Variants in SPOCK1 observed in about 807,000 individuals in gnomAD.
SPOCK1 encodes SPARC (osteonectin), cwcv and kazal like domains proteoglycan 1.
In SPOCK1, 23 loss-of-function variants were observed where a neutral mutation model predicts 55.3. That is an observed-to-expected ratio of 0.42 (90% confidence interval 0.30 to 0.59). SPOCK1 has a LOEUF of 0.59. SPOCK1 is among the 20% of genes least tolerant of loss of function. The pLI is 0.22. For missense variants in SPOCK1, 499 were observed against 552.5 expected (o/e 0.90, Z 0.97); for synonymous variants, 226 against 221.0 (o/e 1.02, Z -0.20).
Position 137,278,974 on chromosome 5 carries a change from C to T in SPOCK1, c.187-11919G>A, listed in dbSNP as rs142533388. ...GTCCTACTTCCCCCCAGGGGGAATG[C>T]TATTATCTGGTCCCGCTTATTTAGG... On this transcript the variant is annotated intron_variant, in intron 2 of 10. Coordinates refer to ENST00000394945, the MANE Select transcript of SPOCK1 (RefSeq NM_004598.4). Among the ~76,000 whole-genome samples the T allele has an allele frequency of 2.5e-3, 381 of 152,174 alleles. 5 individuals are homozygous for T. The highest frequency in any genetic ancestry group is 9.0e-3 in the African/African-American group (372 of 41,502).
chr5:137,147,319 T>C (rs184169909), intron 3 of SPOCK1, among the ~76,000 whole-genome samples: 6 of 152,368 alleles, frequency 3.9e-5, no homozygotes, highest in Non-Finnish European at 8.8e-5. Flanking sequence ...GGCAAAAATG[T>C]TCATCTTAAT....
intron 9 of SPOCK1, among the ~76,000 whole-genome samples, chr5:136,984,509 G>A (rs1750802287): frequency 6.6e-6 from 1 of 152,084 alleles, no homozygotes; most frequent in Admixed American, 6.5e-5. Context: ...CAAATGCCAG[G>A]ACTTCCTCCA....
intron 4 of SPOCK1, among the ~76,000 whole-genome samples, chr5:137,112,881 A>C (rs545797248): frequency 6.6e-6 from 1 of 152,192 alleles, no homozygotes; most frequent in East Asian, 1.9e-4. Context: ...ATATGGCTTA[A>C]TCAGCCCCAA....
chr5:137,155,058 G>A (rs1034752354), intron 3 of SPOCK1, among the ~76,000 whole-genome samples: 1 of 152,148 alleles, frequency 6.6e-6, no homozygotes, highest in African/African-American at 2.4e-5. Flanking sequence ...CTGATATGGT[G>A]GTCAGGAGGA....
At chr5:137,202,553 G>T (rs1755445839) in intron 3 of SPOCK1, among the ~76,000 whole-genome samples, 1 of 152,196 alleles carries the variant, frequency 6.6e-6, no homozygotes, top group African/African-American at 2.4e-5. Flanking sequence ...TTCCCAGCAT[G>T]TATAAATGCC....
intron 3 of SPOCK1, among the ~76,000 whole-genome samples, chr5:137,160,594 A>T (rs374677055): frequency 7.7e-5 from 5 of 65,220 alleles, no homozygotes; most frequent in Admixed American, 2.6e-4. Context: ...ATAATATATA[A>T]TATATTATAT....
At chr5:137,157,637 T>C (rs984280812) in intron 3 of SPOCK1, among the ~76,000 whole-genome samples, 5 of 152,070 alleles carry the variant, frequency 3.3e-5, no homozygotes, top group African/African-American at 9.7e-5. Context: ...CTCCATAGAG[T>C]TTTCTGTTAA....
At chr5:137,276,029 G>T (rs1757060374) in intron 2 of SPOCK1, among the ~76,000 whole-genome samples, 1 of 152,174 alleles carries the variant, frequency 6.6e-6, no homozygotes, top group Non-Finnish European at 1.5e-5. Flanking sequence ...CTTCTAAAGG[G>T]ATGTTCTGGT....
At chr5:137,353,595 C>T (rs960868544) in intron 2 of SPOCK1, among the ~76,000 whole-genome samples, 11 of 152,128 alleles carry the variant, frequency 7.2e-5, no homozygotes, top group African/African-American at 2.4e-4. Context: ...GTTAAAGTGG[C>T]ACCTTCAACA....
At position 137,395,432 on chromosome 5, in the gene SPOCK1, T is replaced by A. The variant is rs535403752; in HGVS notation, c.186+102941A>T. Among the ~76,000 whole-genome samples the A allele has an allele frequency of 3.3e-5, 5 of 152,342 alleles. No individual in the cohort carries two copies. In the South Asian group the frequency reaches 8.3e-4, roughly 25 times the overall value. On this transcript the variant is annotated intron_variant, in intron 2 of 10. Transcript: ENST00000394945. ...CTTGACAAACAGGACACATTTTCAC[T>A]GGTCTGGGATGAGCTGGTCTCCATC... is the stretch of plus-strand genomic sequence containing the variant.
chr5:137,353,042 T>A (rs1750716009), intron 2 of SPOCK1, among the ~76,000 whole-genome samples: 2 of 152,180 alleles, frequency 1.3e-5, no homozygotes, highest in Admixed American at 6.5e-5. Context: ...GCTGACAAAC[T>A]GAAAGAAGAC....
chr5:137,447,602 C>T (rs1332808559), intron 2 of SPOCK1, among the ~76,000 whole-genome samples: 1 of 151,564 alleles, frequency 6.6e-6, no homozygotes, highest in Non-Finnish European at 1.5e-5. Context: ...AACTTGAAAT[C>T]ATTCCCCCCC....
intron 9 of SPOCK1, among the ~76,000 whole-genome samples, chr5:136,980,144 C>T (rs1750700506): frequency 6.7e-6 from 1 of 148,958 alleles, no homozygotes; most frequent in African/African-American, 2.5e-5. Context: ...CCAATATCAC[C>T]ATAAGGTGTT....
At chr5:137,369,321 C>A (rs560283792) in intron 2 of SPOCK1, among the ~76,000 whole-genome samples, 1 of 152,332 alleles carries the variant, frequency 6.6e-6, no homozygotes, top group African/African-American at 2.4e-5. Flanking sequence ...TGGTTGGTTT[C>A]CATCCCGGGC....
intron 6 of SPOCK1, among the ~76,000 whole-genome samples, chr5:137,059,772 C>A (rs989270748): frequency 6.6e-6 from 1 of 152,158 alleles, no homozygotes; most frequent in African/African-American, 2.4e-5. Flanking sequence ...AAACAAACAA[C>A]TCCCTTAAAA....
At chr5:137,247,439 T>G (rs1361852342) in intron 3 of SPOCK1, among the ~76,000 whole-genome samples, 1 of 152,238 alleles carries the variant, frequency 6.6e-6, no homozygotes. Context: ...CCTATGATTA[T>G]GGAATTAATG....
intron 2 of SPOCK1, among the ~76,000 whole-genome samples, chr5:137,392,162 C>T (rs1751738098): frequency 6.6e-6 from 1 of 152,172 alleles, no homozygotes; most frequent in Admixed American, 6.5e-5. Flanking sequence ...ACTGGCTCAA[C>T]TCTCTGTTTC....
intron 2 of SPOCK1, among the ~76,000 whole-genome samples, chr5:137,288,811 C>T (rs13163000): frequency 1.3e-5 from 2 of 152,104 alleles, no homozygotes; most frequent in Non-Finnish European, 2.9e-5. Context: ...TAGTAAACAA[C>T]TTTAAAAGCC....
At chr5:137,156,108 G>A (rs1345071395) in intron 3 of SPOCK1, among the ~76,000 whole-genome samples, 2 of 152,192 alleles carry the variant, frequency 1.3e-5, no homozygotes, top group Non-Finnish European at 2.9e-5. Flanking sequence ...CACAATGTAA[G>A]GGGCCCCTGG....
Sources: gnomAD v4.1 joint callset for allele counts (sites outside exome capture counted in the v4.1 genomes callset) on GRCh38, gnomAD v4.1.1 for gene constraint, MANE v1.5 for transcripts, NCBI Gene and HGNC (gene_info 2026-07-23, HGNC 2026-07-21) for gene names.